TRPC5OS: variants seen among roughly 807,000 people sequenced by gnomAD.
TRPC5OS encodes TRPC5 opposite strand, also known as putative uncharacterized protein TRPC5OS.
For missense variants in TRPC5OS, 64 were observed against 79.3 expected (o/e 0.81, Z 0.73); for synonymous variants, 30 against 29.3 (o/e 1.02, Z -0.08).
chrX:111,884,549 T>A (rs767994796), intron 1 of TRPC5OS, among the ~76,000 whole-genome samples: 15 of 112,656 alleles, frequency 1.3e-4, no homozygotes, highest in Non-Finnish European at 2.6e-4. Context: ...TAAGGTTTAG[T>A]CAGAAGCCAG....
chrX:111,891,368 A>T (rs1229210795), intron 1 of TRPC5OS, among the ~76,000 whole-genome samples: 1 of 111,084 alleles, frequency 9.0e-6, no homozygotes, highest in East Asian at 2.8e-4. Context: ...CTGCAACCTC[A>T]CTAGCATCTG....
At position 111,902,071 on chromosome X, in the gene TRPC5OS, T is replaced by C; in HGVS notation, c.222T>C (p.Leu74=). Residue 74 remains leucine, a synonymous_variant, in exon 4 of 4, where the codon CTT becomes CTC. Coordinates refer to ENST00000635763, the MANE Select transcript of TRPC5OS (RefSeq NM_001195578.2). ...LPDLSDLDSI[L]TPREDEDLIF... ...ATCTCTCAGACTTAGACTCAATACT[T>C]ACACCAAGAGAGGATGAAGACCTAA... The C allele has an allele frequency of 8.7e-7, 1 of 1,154,857 alleles. No individual in the cohort carries two copies. The highest frequency in any genetic ancestry group is 1.1e-6 in the Non-Finnish European group (1 of 872,297).
intron 3 of TRPC5OS, among the ~76,000 whole-genome samples, chrX:111,901,162 T>G (rs1428237873): frequency 9.0e-6 from 1 of 111,658 alleles, no homozygotes; most frequent in Non-Finnish European, 1.9e-5. Context: ...TCTGGAAACT[T>G]TAATGAATGG....
intron 1 of TRPC5OS, among the ~76,000 whole-genome samples, chrX:111,879,586 G>A (rs1170137726): frequency 8.9e-6 from 1 of 112,477 alleles, no homozygotes; most frequent in Non-Finnish European, 1.9e-5. Flanking sequence ...AAAGAGTGAT[G>A]CATCCAAATA....
chrX:111,884,399 A>G (rs190339570), intron 1 of TRPC5OS, among the ~76,000 whole-genome samples: 2 of 112,522 alleles, frequency 1.8e-5, no homozygotes, highest in South Asian at 3.7e-4. Flanking sequence ...TTTTAAAGGT[A>G]TACCCAGGGC....
intron 1 of TRPC5OS, among the ~76,000 whole-genome samples, chrX:111,881,322 A>T (rs1432045518): frequency 9.1e-6 from 1 of 110,211 alleles, no homozygotes; most frequent in Non-Finnish European, 1.9e-5. Context: ...GACTACAGGC[A>T]CGCGCCACCA....
At chrX:111,877,274 G>T (rs1316446467) in intron 1 of TRPC5OS, among the ~76,000 whole-genome samples, 1 of 111,925 alleles carries the variant, frequency 8.9e-6, no homozygotes, top group Non-Finnish European at 1.9e-5. Context: ...TGAGTAGGTG[G>T]AAGGCAAAGA....
chrX:111,899,903 T>C (rs1206998271), intron 3 of TRPC5OS, among the ~76,000 whole-genome samples: 1 of 111,188 alleles, frequency 9.0e-6, no homozygotes, highest in Non-Finnish European at 1.9e-5. Flanking sequence ...TCTCCTATAT[T>C]CCATATGGAA....
intron 1 of TRPC5OS, 114 bp from the exon 2 acceptor site, chrX:111,895,837 C>T (rs1368114595): frequency 9.0e-6 from 1 of 111,456 alleles, no homozygotes; most frequent in Non-Finnish European, 1.9e-5. Context: ...TATTACTAGC[C>T]TTTATTTATT....
At chrX:111,877,072 G>A (rs1392432549) in intron 1 of TRPC5OS, among the ~76,000 whole-genome samples, 1 of 111,642 alleles carries the variant, frequency 9.0e-6, no homozygotes, top group Non-Finnish European at 1.9e-5. Flanking sequence ...TTGCAGTTTG[G>A]AAGATGAATT....
chrX:111,891,860 A>C (rs1302764589), intron 1 of TRPC5OS, among the ~76,000 whole-genome samples: 1 of 112,276 alleles, frequency 8.9e-6, no homozygotes, highest in Non-Finnish European at 1.9e-5. Flanking sequence ...ACACAGGATT[A>C]TTATAAGTTA....
chrX:111,885,983 A>T (rs2148603129), intron 1 of TRPC5OS, among the ~76,000 whole-genome samples: 1 of 112,244 alleles, frequency 8.9e-6, no homozygotes, highest in South Asian at 3.7e-4. Context: ...CCCCTTAAAA[A>T]TAATGTTTTT....
At chrX:111,884,224 G>T (rs1368460107) in intron 1 of TRPC5OS, among the ~76,000 whole-genome samples, 1 of 112,576 alleles carries the variant, frequency 8.9e-6, no homozygotes. Context: ...GGTATTATCA[G>T]AGTATTTTTA....
At chrX:111,878,383 C>A (rs1363943617) in intron 1 of TRPC5OS, among the ~76,000 whole-genome samples, 1 of 111,179 alleles carries the variant, frequency 9.0e-6, no homozygotes, top group East Asian at 2.8e-4. Context: ...ATTGGCTGAT[C>A]TCCCTGTTAG....
At chrX:111,898,287 G>A (rs1381675027) in intron 3 of TRPC5OS, among the ~76,000 whole-genome samples, 6 of 91,389 alleles carry the variant, frequency 6.6e-5, no homozygotes, top group East Asian at 3.1e-4. Context: ...AGACACACAC[G>A]CGTGTGTGCG....
In TRPC5OS at chrX:111,900,453, A is replaced by T. The variant is rs183022400; in HGVS notation, c.-310-1087A>T. Among the ~76,000 whole-genome samples, 381 of 112,177 alleles carry T rather than the reference A, an allele frequency of 3.4e-3. 2 individuals carry two copies. Among genetic ancestry groups the T allele is most frequent in the African/African-American group, 0.012 (371 of 30,935 alleles). On this transcript the variant is annotated intron_variant, in intron 3 of 3. Transcript: ENST00000635763. Reference sequence around the variant, plus strand: ...ATAGACCTGGACTATTGCAGGAAAAACAATCTGGTGAAGGGAGATATGAAA... The same window carrying T: ...ATAGACCTGGACTATTGCAGGAAAATCAATCTGGTGAAGGGAGATATGAAA...
At chrX:111,898,810 A>G (rs1275077724) in intron 3 of TRPC5OS, among the ~76,000 whole-genome samples, 1 of 110,737 alleles carries the variant, frequency 9.0e-6, no homozygotes, top group African/African-American at 3.3e-5. Flanking sequence ...TTGAGGGGTA[A>G]GAAATCTGAG....
chrX:111,888,511 AAAAAAAAAAAAAAGAAAGAAAAG>A (rs1033605459), intron 1 of TRPC5OS, among the ~76,000 whole-genome samples: 1 of 78,381 alleles, frequency 1.3e-5, no homozygotes, highest in African/African-American at 8.9e-5. Context: ...CGTCTCTACC[AAAAAAAAAAAAAAGAAAGAAAAG>A]AAAAAAAAAA....
At position 111,888,891 on chromosome X, in the gene TRPC5OS, C is replaced by T. The variant is rs144424459; in HGVS notation, c.-545-7060C>T. Among the ~76,000 whole-genome samples the T allele has an allele frequency of 8.0e-4, 88 of 110,334 alleles. 1 individual carries two copies. The East Asian group carries it at 0.01, about 13-fold the overall frequency. On this transcript the variant is annotated intron_variant, in intron 1 of 3. Coordinates refer to ENST00000635763, the MANE Select transcript of TRPC5OS (RefSeq NM_001195578.2). ...TGGCAGAGCCAACAGGATATCCTGGCGGATTGACTGTGGATTTTTTGGCCT... is the reference window on the plus strand; with the variant it reads ...TGGCAGAGCCAACAGGATATCCTGGTGGATTGACTGTGGATTTTTTGGCCT...
Sources: gnomAD v4.1 joint callset for allele counts (sites outside exome capture counted in the v4.1 genomes callset) on GRCh38, gnomAD v4.1.1 for gene constraint, MANE v1.5 for transcripts, NCBI Gene and HGNC (gene_info 2026-07-23, HGNC 2026-07-21) for gene names.